Variants in TEK observed in about 807,000 individuals in gnomAD.
The protein encoded by TEK is TEK receptor tyrosine kinase, also known as angiopoietin-1 receptor.
Under a neutral mutation model 131.8 loss-of-function variants are expected in TEK, and 43 were observed. That is an observed-to-expected ratio of 0.33 (90% CI 0.26 to 0.42). The LOEUF (loss-of-function observed/expected upper bound fraction) is 0.42, where lower values mean the gene tolerates loss of function less well. TEK is among the 10% of genes least tolerant of loss of function. The probability of loss-of-function intolerance (pLI) is 1.00; values close to 1 mark genes in which losing one functional copy is unlikely to be tolerated. For synonymous variants in TEK, 580 were observed against 491.6 expected (o/e 1.18, Z -2.38); for missense variants, 1,162 against 1,384.4 (o/e 0.84, Z 2.55).
chr9:27,114,600 G>A lies in TEK; in HGVS notation c.52+4958G>A, dbSNP rs545272545. 3.9e-5 allele frequency among the ~76,000 whole-genome samples: 6 copies of A among 152,034 alleles called. No individual in the cohort carries two copies. In the East Asian group the frequency reaches 9.7e-4, roughly 24 times the overall value. ...AAAAATAAAAAAAAATTTAATATTA[G>A]GTTGGTGAAAAGTAGTGGTAAAAAC... On this transcript the variant is annotated intron_variant, in intron 1 of 22. Transcript: ENST00000380036.
In TEK at chr9:27,207,428, G is replaced by A. The variant is rs575451984; in HGVS notation, c.2575+636G>A. Among the ~76,000 whole-genome samples the A allele has an allele frequency of 8.5e-5, 13 of 152,322 alleles. No individual in the cohort carries two copies. In the South Asian group the frequency reaches 2.7e-3, roughly 32 times the overall value. The stretch of plus-strand genomic sequence containing the variant: ...ATGGTTCCTCTGTACACTCAGGTTT[G>A]CAGAGAAAACCACTGACTTAAGGTC... On this transcript the variant is annotated intron_variant, in intron 15 of 22. Coordinates refer to ENST00000380036, the MANE Select transcript of TEK (RefSeq NM_000459.5).
chr9:27,168,222 C>T (rs1823811347), intron 2 of TEK, among the ~76,000 whole-genome samples: 1 of 152,096 alleles, frequency 6.6e-6, no homozygotes, highest in Non-Finnish European at 1.5e-5. Flanking sequence ...CCTCATCTCC[C>T]CAACCACTGA....
At chr9:27,206,179 T>A (rs1165424159) in intron 14 of TEK, among the ~76,000 whole-genome samples, 1 of 152,244 alleles carries the variant, frequency 6.6e-6, no homozygotes, top group Non-Finnish European at 1.5e-5. Context: ...AAGCTCTCAC[T>A]GAGGCGCATC....
At chr9:27,167,621 A>G (rs1823781531) in intron 2 of TEK, among the ~76,000 whole-genome samples, 1 of 152,218 alleles carries the variant, frequency 6.6e-6, no homozygotes, top group South Asian at 2.1e-4. Context: ...TCATACATAT[A>G]TAATTAAAAG....
At chr9:27,157,137 G>T (rs1823362789) in intron 1 of TEK, among the ~76,000 whole-genome samples, 1 of 152,200 alleles carries the variant, frequency 6.6e-6, no homozygotes, top group Admixed American at 6.5e-5. Context: ...TACATTTGGG[G>T]AGAGGGTAAG....
intron 20 of TEK, among the ~76,000 whole-genome samples, chr9:27,219,577 C>G (rs7874391): frequency 7.4e-6 from 1 of 135,688 alleles, no homozygotes; most frequent in Non-Finnish European, 1.6e-5. Flanking sequence ...ATAGGTGCAG[C>G]AAACCACCCA....
intron 18 of TEK, among the ~76,000 whole-genome samples, chr9:27,214,924 G>A (rs962674668): frequency 1.3e-5 from 2 of 152,106 alleles, no homozygotes; most frequent in African/African-American, 4.8e-5. Context: ...GCAGGGGTGG[G>A]CTTGTTTTCT....
At chr9:27,166,866 A>G (rs551649292) in intron 2 of TEK, among the ~76,000 whole-genome samples, 61 of 152,182 alleles carry the variant, frequency 4.0e-4, no homozygotes, top group African/African-American at 1.3e-3. Flanking sequence ...ACCTTATCCT[A>G]TCTTTTCCAC....
At chr9:27,188,392 T>C (rs1319868350) in intron 9 of TEK, among the ~76,000 whole-genome samples, 3 of 152,166 alleles carry the variant, frequency 2.0e-5, no homozygotes, top group Admixed American at 6.6e-5. Context: ...AAAAATAAAA[T>C]AGTAGATTAC....
intron 2 of TEK, among the ~76,000 whole-genome samples, chr9:27,167,976 G>A (rs1160776104): frequency 6.6e-6 from 1 of 151,942 alleles, no homozygotes; most frequent in African/African-American, 2.4e-5. Context: ...CAGTTTGAGT[G>A]TTCCAAATCC....
At chr9:27,149,486 A>G (rs1823046689) in intron 1 of TEK, among the ~76,000 whole-genome samples, 1 of 152,214 alleles carries the variant, frequency 6.6e-6, no homozygotes, top group African/African-American at 2.4e-5. Flanking sequence ...TCTACATGGT[A>G]TAATCTCAGG....
intron 4 of TEK, among the ~76,000 whole-genome samples, chr9:27,171,351 C>A (rs536164947): frequency 6.6e-6 from 1 of 152,220 alleles, no homozygotes; most frequent in South Asian, 2.1e-4. Context: ...GCGTTATGTT[C>A]CCCCATTCAT....
chr9:27,194,534 C>T (rs576994957), intron 11 of TEK, among the ~76,000 whole-genome samples: 2 of 152,302 alleles, frequency 1.3e-5, no homozygotes, highest in South Asian at 2.1e-4. Flanking sequence ...GATATGTCAT[C>T]ATGTTACTGC....
At chr9:27,209,378 T>A in intron 16 of TEK, 147 bp downstream of exon 16, 1 of 712,010 alleles carries the variant, frequency 1.4e-6, no homozygotes, top group Non-Finnish European at 2.5e-6. Context: ...TCTAGTCCCA[T>A]TTATAGACTG....
At chr9:27,132,830 A>T (rs548355245) in intron 1 of TEK, among the ~76,000 whole-genome samples, 1 of 152,218 alleles carries the variant, frequency 6.6e-6, no homozygotes, top group African/African-American at 2.4e-5. Context: ...CAAGAAATCT[A>T]TATCTATAGC....
intron 1 of TEK, among the ~76,000 whole-genome samples, chr9:27,135,802 G>A (rs970333685): frequency 6.6e-6 from 1 of 151,942 alleles, no homozygotes; most frequent in Non-Finnish European, 1.5e-5. Flanking sequence ...GATAGGCATA[G>A]CACTGCACAG....
intron 21 of TEK, among the ~76,000 whole-genome samples, chr9:27,224,143 C>G (rs1038802892): frequency 1.3e-5 from 2 of 152,262 alleles, no homozygotes; most frequent in African/African-American, 4.8e-5. Flanking sequence ...AAAAAAAGTC[C>G]AGGACCAGAC....
chr9:27,216,642 T>G (rs1177023322), intron 18 of TEK, among the ~76,000 whole-genome samples: 4 of 152,198 alleles, frequency 2.6e-5, no homozygotes, highest in African/African-American at 9.7e-5. Context: ...TTAGAATTTA[T>G]GTTTAGAAAT....
chr9:27,196,459 G>T (rs1022593590), intron 11 of TEK, among the ~76,000 whole-genome samples: 1 of 152,124 alleles, frequency 6.6e-6, no homozygotes, highest in African/African-American at 2.4e-5. Context: ...TAGAAGCCAA[G>T]GTTACTCTTA....
Sources: allele counts gnomAD v4.1 joint callset (sites outside exome capture counted in the v4.1 genomes callset), GRCh38; gene constraint gnomAD v4.1.1; transcripts MANE v1.5; gene names NCBI Gene and HGNC (gene_info 2026-07-23, HGNC 2026-07-21).